Variants in EPS15L1 observed in about 807,000 individuals in gnomAD.
EPS15L1 encodes epidermal growth factor receptor substrate 15-like 1.
EPS15L1 carries 43 observed loss-of-function variants against 117.1 expected under a neutral mutation model. The ratio of observed to expected loss-of-function variants is 0.37; its 90% CI spans 0.29 to 0.47. The LOEUF (loss-of-function observed/expected upper bound fraction) is 0.47. Among genes scored for constraint, EPS15L1 ranks in the 20% least tolerant of loss-of-function variants. EPS15L1 has a pLI of 0.99. For synonymous variants in EPS15L1, 459 were observed against 470.5 expected (o/e 0.98, Z 0.32); for missense variants, 981 against 1,164.0 (o/e 0.84, Z 2.29).
At chr19:16,420,114 C>T (rs1478424827) in intron 10 of EPS15L1, among the ~76,000 whole-genome samples, 1 of 152,234 alleles carries the variant, frequency 6.6e-6, no homozygotes, top group Non-Finnish European at 1.5e-5. Flanking sequence ...CATGCCCCGC[C>T]CCAGCCACTC....
At chr19:16,413,424 A>C in intron 13 of EPS15L1, 2 of 735,760 alleles carry the variant, frequency 2.7e-6, no homozygotes, top group South Asian at 3.1e-5. Context: ...CTTTGATGCC[A>C]TCTCTAAGAC....
chr19:16,366,508 T>C (rs1355881395), intron 22 of EPS15L1, among the ~76,000 whole-genome samples: 1 of 152,180 alleles, frequency 6.6e-6, no homozygotes, highest in Non-Finnish European at 1.5e-5. Context: ...ATGAAAAGCT[T>C]CGTTCACACC....
chr19:16,441,743 C>T, intron 3 of EPS15L1, 149 bp downstream of exon 3: 1 of 553,790 alleles, frequency 1.8e-6, no homozygotes, highest in South Asian at 3.2e-5. Context: ...TTTGGATCCA[C>T]CAGCTGCAGC....
chr19:16,373,502 A>G (rs1279061543), intron 22 of EPS15L1, among the ~76,000 whole-genome samples: 1 of 151,932 alleles, frequency 6.6e-6, no homozygotes, highest in African/African-American at 2.4e-5. Context: ...AAAAAAATTC[A>G]CAGATTAGCT....
chr19:16,450,113 G>A (rs953801385), intron 1 of EPS15L1, among the ~76,000 whole-genome samples: 3 of 151,996 alleles, frequency 2.0e-5, no homozygotes, highest in African/African-American at 7.3e-5. Context: ...CACGCATGGT[G>A]GCACATGCCT....
intron 8 of EPS15L1, among the ~76,000 whole-genome samples, chr19:16,426,994 T>C (rs931603204): frequency 6.6e-6 from 1 of 152,182 alleles, no homozygotes; most frequent in South Asian, 2.1e-4. Flanking sequence ...CTGAAGTGTT[T>C]GTGGATGAAG....
At chr19:16,391,890 C>G (rs1437683098) in intron 19 of EPS15L1, among the ~76,000 whole-genome samples, 1 of 152,024 alleles carries the variant, frequency 6.6e-6, no homozygotes, top group Non-Finnish European at 1.5e-5. Context: ...CTGTGTGTTA[C>G]AAGGACCGTG....
At chr19:16,376,885 C>T (rs2092302932) in intron 22 of EPS15L1, among the ~76,000 whole-genome samples, 1 of 152,172 alleles carries the variant, frequency 6.6e-6, no homozygotes, top group Non-Finnish European at 1.5e-5. Context: ...CACTCCAATA[C>T]AGAGCCAGAA....
intron 1 of EPS15L1, among the ~76,000 whole-genome samples, chr19:16,451,037 G>A (rs1268684748): frequency 4.0e-5 from 6 of 151,132 alleles, no homozygotes; most frequent in African/African-American, 1.2e-4. Flanking sequence ...TACAACCTCC[G>A]CCTCCCAGGT....
intron 1 of EPS15L1, among the ~76,000 whole-genome samples, chr19:16,445,214 C>T (rs1170728634): frequency 6.6e-6 from 1 of 152,330 alleles, no homozygotes; most frequent in South Asian, 2.1e-4. Context: ...CCAGAAGAGT[C>T]GCTGAAGGAC....
At position 16,392,307 on chromosome 19, in the gene EPS15L1, C is replaced by T. The variant is rs765050854; in HGVS notation, c.2100G>A (p.Ser700=). Residue 700 remains serine, a synonymous_variant, in exon 19 of 24, where the codon TCG becomes TCA. Transcript: ENST00000455140. ...GGCAACGTCCCACCCCACTCACCTT[C>T]GAAGGTAAGGAAGGGTTTTTCGTGA... ...DPFTKNPSLP[S]KLDPFESSDP... The T allele has an allele frequency of 1.7e-5, 27 of 1,613,824 alleles. No homozygotes were observed. Among genetic ancestry groups the T allele is most frequent in the East Asian group, 4.5e-5 (2 of 44,902 alleles).
At chr19:16,452,881 C>T (rs754039227) in intron 1 of EPS15L1, among the ~76,000 whole-genome samples, 118 of 152,132 alleles carry the variant, frequency 7.8e-4, no homozygotes, top group Non-Finnish European at 1.5e-3. Flanking sequence ...ACTGCAAGCT[C>T]CGCCTCCCCG....
chr19:16,414,697 C>T (rs911057474), intron 12 of EPS15L1, among the ~76,000 whole-genome samples: 1 of 150,332 alleles, frequency 6.7e-6, no homozygotes, highest in African/African-American at 2.4e-5. Flanking sequence ...ACACGCCTGG[C>T]CTTTTTTTGG....
intron 13 of EPS15L1, among the ~76,000 whole-genome samples, chr19:16,408,477 C>A (rs1165341856): frequency 6.9e-6 from 1 of 144,780 alleles, no homozygotes; most frequent in Admixed American, 7.8e-5. Flanking sequence ...TGTAAAAATA[C>A]AAATTTTTAC....
At chr19:16,367,761 A>G (rs2144659038) in intron 22 of EPS15L1, among the ~76,000 whole-genome samples, 1 of 151,094 alleles carries the variant, frequency 6.6e-6, no homozygotes, top group Non-Finnish European at 1.5e-5. Flanking sequence ...AGCAAAAAAA[A>G]AAAAAAAAAA....
rs571949194 is a variant in EPS15L1 at position 16,392,508 on chromosome 19, A to G, written c.1967-68T>C. The G allele has an allele frequency of 1.2e-5, 17 of 1,418,750 alleles. No individual in the cohort carries two copies. In the East Asian group the frequency reaches 3.7e-4, roughly 31 times the overall value. The allele number at this position is 1,418,750 out of a possible 1,614,324, so 87.9% of individuals were successfully genotyped here. On this transcript the variant is annotated intron_variant, in intron 18 of 23. Transcript: ENST00000455140. ...AAAGAACCCAGACATAAAAGAACAC[A>G]TCACAGAATGATGCCGTTTACATGA... is the stretch of plus-strand genomic sequence containing the variant.
chr19:16,471,982 G>A (rs1208056112), upstream of EPS15L1: 3 of 1,261,934 alleles, frequency 2.4e-6, no homozygotes, highest in Middle Eastern at 3.1e-4. The surrounding 1 kb of genome is among the most constrained non-coding windows in gnomAD (Gnocchi z 4.8). Flanking sequence ...CCGGGGGAAC[G>A]GGGGCGGGGC....
At chr19:16,377,445 GC>G (rs1463877556) in intron 21 of EPS15L1, among the ~76,000 whole-genome samples, 191 bp from the exon 22 acceptor site, 5 of 152,160 alleles carry the variant, frequency 3.3e-5, no homozygotes, top group Non-Finnish European at 1.5e-5. Context: ...AACAGCAGGG[GC>G]CCTCTGGCCT....
At chr19:16,376,189 A>G (rs962901589) in intron 22 of EPS15L1, among the ~76,000 whole-genome samples, 14 of 152,226 alleles carry the variant, frequency 9.2e-5, no homozygotes, top group African/African-American at 3.1e-4. Flanking sequence ...GGCTGCCCAC[A>G]ATTCAGGGAC....
Sources: gnomAD v4.1 joint callset for allele counts (sites outside exome capture counted in the v4.1 genomes callset) on GRCh38, gnomAD v4.1.1 for gene constraint, Gnocchi (gnomAD v3.1) non-coding constraint, MANE v1.5 for transcripts, NCBI Gene and HGNC (gene_info 2026-07-23, HGNC 2026-07-21) for gene names.